RPS6KC1: variants seen among roughly 807,000 people sequenced by gnomAD.
RPS6KC1 encodes inactive ribosomal protein S6 kinase delta-1.
A neutral mutation model predicts 103.8 loss-of-function variants in RPS6KC1; 54 were observed. The observed-to-expected ratio is 0.52, with a 90% CI of 0.42 to 0.65. The LOEUF is 0.65. RPS6KC1 is among the 30% of genes least tolerant of loss of function. RPS6KC1 has a pLI of 0.00. For synonymous variants in RPS6KC1, 439 were observed against 438.7 expected, an observed-to-expected ratio of 1.00 and a Z score of -0.01; for missense variants, 1,151 against 1,253.8, an observed-to-expected ratio of 0.92 and a Z score of 1.24.
At chr1:213,253,248 G>A (rs2094576132) in intron 12 of RPS6KC1, among the ~76,000 whole-genome samples, 1 of 152,114 alleles carries the variant, frequency 6.6e-6, no homozygotes, top group Non-Finnish European at 1.5e-5. Context: ...TATATTGTTA[G>A]TAAAGGTAAA....
intron 6 of RPS6KC1, among the ~76,000 whole-genome samples, chr1:213,151,884 C>G (rs1456312502): frequency 2.6e-5 from 3 of 113,896 alleles, no homozygotes; most frequent in Non-Finnish European, 5.6e-5. Flanking sequence ...GGGGGCTGAT[C>G]CCCCAACCTC....
chr1:213,846,239 G>T, the RPS6KC1 span, among the ~76,000 whole-genome samples: 24 of 151,380 alleles, frequency 1.6e-4, no homozygotes, highest in African/African-American at 5.6e-4. Flanking sequence ...GGCGGAGGTC[G>T]CAGTGAACCG....
At position 213,270,844 on chromosome 1, in the gene RPS6KC1, C is replaced by T. The variant is rs2095031491; in HGVS notation, c.3091-1680C>T. On this transcript the variant is annotated intron_variant, in intron 14 of 14. Coordinates refer to ENST00000366960, the MANE Select transcript of RPS6KC1 (RefSeq NM_012424.6). Reference sequence around the variant, plus strand: ...AACGAGCACATGAAAAGATGCTCAACATTATTAGTTGTTAGGGGATGTAAA... The same window carrying T: ...AACGAGCACATGAAAAGATGCTCAATATTATTAGTTGTTAGGGGATGTAAA... Among the ~76,000 whole-genome samples the T allele has an allele frequency of 2.0e-5, 3 of 152,102 alleles. No individual in the cohort carries two copies. The South Asian group carries it at 6.2e-4, about 32-fold the overall frequency.
chr1:213,126,492 G>A (rs557063312), intron 5 of RPS6KC1, among the ~76,000 whole-genome samples: 4 of 152,212 alleles, frequency 2.6e-5, no homozygotes, highest in African/African-American at 9.6e-5. Context: ...ATCTAAAGCT[G>A]ATTAGAAATT....
chr1:213,061,719 C>T lies in RPS6KC1; in HGVS notation c.106-9287C>T, dbSNP rs546010669. Among the ~76,000 whole-genome samples, 17 of 151,966 alleles carry T rather than the reference C, an allele frequency of 1.1e-4. No individual in the cohort carries two copies. The South Asian group carries it at 3.3e-3, about 30-fold the overall frequency. On this transcript the variant is annotated intron_variant, in intron 1 of 14. Transcript: ENST00000366960. ...ATTGATGAATGTGCCACTTGGTATA[C>T]CTAATCACCACAAGGAGAAATGTTC...
chr1:213,325,648 C>T, the RPS6KC1 span, among the ~76,000 whole-genome samples: 8 of 150,864 alleles, frequency 5.3e-5, no homozygotes, highest in South Asian at 1.5e-3. Flanking sequence ...CCACCACTTC[C>T]GCTTCTGGGA....
the RPS6KC1 span, among the ~76,000 whole-genome samples, chr1:213,770,416 G>T: frequency 6.6e-6 from 1 of 152,218 alleles, no homozygotes; most frequent in South Asian, 2.1e-4. Flanking sequence ...CTAAATGTAT[G>T]TGAAAATAAG....
At chr1:213,227,619 G>T (rs532194077) in intron 8 of RPS6KC1, among the ~76,000 whole-genome samples, 99 of 152,246 alleles carry the variant, frequency 6.5e-4, no homozygotes, top group African/African-American at 2.3e-3. Flanking sequence ...ACTGAACTCT[G>T]TTTCTTTGCT....
At chr1:213,516,441 G>T in the RPS6KC1 span, among the ~76,000 whole-genome samples, 5 of 152,252 alleles carry the variant, frequency 3.3e-5, no homozygotes, top group Admixed American at 6.5e-5. Context: ...TAGCATGAAG[G>T]GTTGTTGAAT....
At chr1:213,657,434 AT>A in the RPS6KC1 span, among the ~76,000 whole-genome samples, 813 of 152,268 alleles carry the variant, frequency 5.3e-3, 6 homozygotes, top group African/African-American at 0.018. Context: ...GCTAAAAAAA[AT>A]AATGTAATTA....
the RPS6KC1 span, among the ~76,000 whole-genome samples, chr1:213,622,908 G>A: frequency 6.6e-6 from 1 of 152,128 alleles, no homozygotes; most frequent in African/African-American, 2.4e-5. Context: ...GGCCTACAAA[G>A]CCACGGCGTG....
At chr1:213,689,581 G>A in the RPS6KC1 span, among the ~76,000 whole-genome samples, 1 of 152,200 alleles carries the variant, frequency 6.6e-6, no homozygotes. Flanking sequence ...ATTAAACTCA[G>A]GAAAGCCCTC....
the RPS6KC1 span, among the ~76,000 whole-genome samples, chr1:213,789,359 T>TA: frequency 2.6e-5 from 4 of 152,210 alleles, no homozygotes; most frequent in Admixed American, 2.6e-4. Context: ...TTAATGAACA[T>TA]ATTTGTGCAT....
chr1:213,334,448 C>A, the RPS6KC1 span, among the ~76,000 whole-genome samples: 1 of 152,180 alleles, frequency 6.6e-6, no homozygotes, highest in Non-Finnish European at 1.5e-5. Context: ...ATATATCCTG[C>A]AAAATCCAAA....
At chr1:213,646,898 T>TATATATAA in the RPS6KC1 span, among the ~76,000 whole-genome samples, 1 of 143,492 alleles carries the variant, frequency 7.0e-6, no homozygotes, top group Non-Finnish European at 1.5e-5. Flanking sequence ...TATATATATA[T>TATATATAA]TTTTGTTTGT....
At chr1:213,481,206 G>A in the RPS6KC1 span, among the ~76,000 whole-genome samples, 1 of 152,150 alleles carries the variant, frequency 6.6e-6, no homozygotes, top group Non-Finnish European at 1.5e-5. Flanking sequence ...TGTCCCTGAA[G>A]ATTTGGTAAA....
At chr1:213,114,586 A>G (rs1231802089) in intron 4 of RPS6KC1, among the ~76,000 whole-genome samples, 1 of 151,664 alleles carries the variant, frequency 6.6e-6, no homozygotes, top group East Asian at 1.9e-4. Context: ...AGAACTTCCA[A>G]CACTATGTTG....
At chr1:213,512,544 A>T in the RPS6KC1 span, among the ~76,000 whole-genome samples, 1 of 152,178 alleles carries the variant, frequency 6.6e-6, no homozygotes, top group Non-Finnish European at 1.5e-5. Context: ...CCATTAGTCG[A>T]CAGTTAAGTG....
chr1:213,328,523 T>TATATATAA, the RPS6KC1 span, among the ~76,000 whole-genome samples: 1 of 136,110 alleles, frequency 7.3e-6, no homozygotes, highest in East Asian at 2.1e-4. Context: ...TATATATATA[T>TATATATAA]ATATATATAT....
Sources: gnomAD v4.1 joint callset for allele counts (sites outside exome capture counted in the v4.1 genomes callset) on GRCh38, gnomAD v4.1.1 for gene constraint, MANE v1.5 for transcripts, NCBI Gene and HGNC (gene_info 2026-07-23, HGNC 2026-07-21) for gene names.